Variants in MAP2K5 observed in about 807,000 individuals in gnomAD.
MAP2K5 encodes the protein dual specificity mitogen-activated protein kinase kinase 5.
MAP2K5 carries 49 observed loss-of-function variants against 83.1 expected under a neutral mutation model. The observed-to-expected ratio is 0.59, with a 90% confidence interval of 0.47 to 0.75. The LOEUF (loss-of-function observed/expected upper bound fraction) is 0.75, where lower values mean the gene tolerates loss of function less well. Among genes scored for constraint, MAP2K5 ranks in the 30% least tolerant of loss-of-function variants. MAP2K5 has a pLI of 0.00. For missense variants in MAP2K5, 457 were observed against 557.5 expected, an observed-to-expected ratio of 0.82 and a Z score of 1.82; for synonymous variants, 202 against 191.8, an observed-to-expected ratio of 1.05 and a Z score of -0.44.
At chr15:67,798,518 G>A (rs2090645194) in intron 21 of MAP2K5, among the ~76,000 whole-genome samples, 1 of 152,188 alleles carries the variant, frequency 6.6e-6, no homozygotes, top group South Asian at 2.1e-4. Flanking sequence ...TGCTCTGTAA[G>A]TACAGGCCCT....
Position 67,638,300 on chromosome 15 carries a change from C to A in MAP2K5, c.585+7373C>A, listed in dbSNP as rs1414245555. Among the ~76,000 whole-genome samples, 2 of 152,152 alleles carry A rather than the reference C, an allele frequency of 1.3e-5. No individual in the cohort carries two copies. Among genetic ancestry groups the A allele is most frequent in the Admixed American group, 1.3e-4 (2 of 15,276 alleles). ...ATGTGTTCTCATAAGTTAGCTCCCA[C>A]TTATAAGTGAGAACATGTGGTATTC... is the stretch of plus-strand genomic sequence containing the variant. On this transcript the variant is annotated intron_variant, in intron 9 of 21. Coordinates refer to ENST00000178640, the MANE Select transcript of MAP2K5 (RefSeq NM_145160.3). This position sits in a 1 kb window ranked among gnomAD's most constrained non-coding sequence, Gnocchi z 4.5.
In MAP2K5 at chr15:67,720,746, A is replaced by G. The variant is rs908779486; in HGVS notation, c.1045-7170A>G. Reference sequence around the variant, plus strand: ...TAACTTCCAGTAATTAGTGTATTTTATGGGCCTTTGCTTCAGTGGCTCGAA... The same window carrying G: ...TAACTTCCAGTAATTAGTGTATTTTGTGGGCCTTTGCTTCAGTGGCTCGAA... On this transcript the variant is annotated intron_variant, in intron 16 of 21. Transcript: ENST00000178640. The surrounding 1 kb of genome is among the most constrained non-coding windows in gnomAD (Gnocchi z 5.7). 3.9e-5 allele frequency among the ~76,000 whole-genome samples: 6 copies of G among 152,180 alleles called. No homozygotes were observed. Among genetic ancestry groups the G allele is most frequent in the African/African-American group, 1.4e-4 (6 of 41,444 alleles).
chr15:67,594,139 A>G (rs965838426), intron 7 of MAP2K5, among the ~76,000 whole-genome samples: 2 of 152,090 alleles, frequency 1.3e-5, no homozygotes, highest in Admixed American at 6.5e-5. Context: ...TAAATATCCT[A>G]TATACAGCTA....
At chr15:67,711,765 A>G (rs889860534) in intron 16 of MAP2K5, among the ~76,000 whole-genome samples, 10 of 152,268 alleles carry the variant, frequency 6.6e-5, no homozygotes, top group Admixed American at 1.3e-4. Flanking sequence ...GACAACAGTA[A>G]ACAACTGAGC....
Position 67,543,424 on chromosome 15 carries a change from A to T in MAP2K5, c.89A>T (p.Asp30Val). The change falls in exon 1 of 22, where the codon GAC becomes GTC. Residue 30 changes from aspartate to valine, a missense_variant. By Grantham distance (152) the Asp-to-Val change is radical. Transcript: ENST00000178640. The surrounding 1 kb of genome is among the most constrained non-coding windows in gnomAD (Gnocchi z 4.3). Reference protein sequence around the residue: ...RIKIPNSGAVDWTVHSGPQLL... With the variant: ...RIKIPNSGAVVWTVHSGPQLL... The stretch of plus-strand genomic sequence containing the variant: ...AAGATCCCAAATAGTGGCGCGGTGG[A>T]CTGGACAGTGCACTCCGGGCCGCAG... 6.2e-7 allele frequency: 1 copy of T among 1,614,062 alleles called. No individual in the cohort carries two copies. The highest frequency in any genetic ancestry group is 8.5e-7 in the Non-Finnish European group (1 of 1,180,004).
At position 67,585,833 on chromosome 15, in the gene MAP2K5, G is replaced by T; in HGVS notation, c.323-57G>T. 2.7e-6 allele frequency: 4 copies of T among 1,472,974 alleles called. No homozygotes were observed. In the South Asian group the frequency reaches 4.6e-5, roughly 17 times the overall value. The allele number at this position is 1,472,974 out of a possible 1,614,324, so 91.2% of individuals were successfully genotyped here. A position where few individuals can be genotyped will look rare whatever the true frequency, so the allele number is the denominator to read the frequency against. On this transcript the variant is annotated intron_variant, in intron 4 of 21. Coordinates refer to ENST00000178640, the MANE Select transcript of MAP2K5 (RefSeq NM_145160.3). ...CATTTCTTTTTAAACGATTCATTTT[G>T]AGCAAATTTGTAAATGGCCCTGATG...
chr15:67,770,434 C>T lies in MAP2K5; in HGVS notation c.1196+771C>T, dbSNP rs1322731793. Among the ~76,000 whole-genome samples the T allele has an allele frequency of 6.6e-6, 1 of 152,200 alleles. No homozygotes were observed. Among genetic ancestry groups the T allele is most frequent in the Non-Finnish European group, 1.5e-5 (1 of 68,046 alleles). On this transcript the variant is annotated intron_variant, in intron 20 of 21. Coordinates refer to ENST00000178640, the MANE Select transcript of MAP2K5 (RefSeq NM_145160.3). The surrounding 1 kb of genome is among the most constrained non-coding windows in gnomAD (Gnocchi z 5.0). ...CCAGGTATTCCTCTGCCCTCTCCCTCACTCCAGCACAGAGAATTACCTAGG... is the reference window on the plus strand; with the variant it reads ...CCAGGTATTCCTCTGCCCTCTCCCTTACTCCAGCACAGAGAATTACCTAGG...
At chr15:67,728,010 A>G in intron 17 of MAP2K5, 65 bp downstream of exon 17, 2 of 1,324,088 alleles carry the variant, frequency 1.5e-6, no homozygotes, top group Non-Finnish European at 2.2e-6. Context: ...AGGTGCAGGG[A>G]GCAATTGTGA....
chr15:67,675,105 C>A (rs887567200), intron 13 of MAP2K5, among the ~76,000 whole-genome samples: 1 of 152,104 alleles, frequency 6.6e-6, no homozygotes, highest in African/African-American at 2.4e-5. Flanking sequence ...GGCATTTATC[C>A]CAGAGAAATG....
rs2086606817 is a variant in MAP2K5 at position 67,636,483 on chromosome 15, G to T, written c.585+5556G>T. ...CTTATCTATTTATTCCATCATATGT[G>T]TCATATCTGGATCAGTTTTGACTGA... On this transcript the variant is annotated intron_variant, in intron 9 of 21. Transcript: ENST00000178640. The surrounding 1 kb of genome is among the most constrained non-coding windows in gnomAD (Gnocchi z 4.7). 6.7e-6 allele frequency among the ~76,000 whole-genome samples: 1 copy of T among 150,334 alleles called. No homozygotes were observed. Among genetic ancestry groups the T allele is most frequent in the Non-Finnish European group, 1.5e-5 (1 of 67,720 alleles).
In MAP2K5 at chr15:67,664,637, T is replaced by C. The variant is rs2087327914; in HGVS notation, c.839T>C (p.Leu280Ser). ...GLTYLWSLKI[L>S]HRDVKPSNML... ...ACTTATTTGTGGAGTTTAAAGATTTTACATAGAGGTATGTGCTGGGCTTAT... is the reference window on the plus strand; with the variant it reads ...ACTTATTTGTGGAGTTTAAAGATTTCACATAGAGGTATGTGCTGGGCTTAT... The change falls in exon 13 of 22, where the codon TTA becomes TCA. Residue 280 changes from leucine (L) to serine (S), a missense_variant. Leu to Ser is a moderately radical substitution (Grantham distance 145). Transcript: ENST00000178640. 1 of 1,602,884 alleles carries C rather than the reference T, an allele frequency of 6.2e-7. No homozygotes were observed. Among genetic ancestry groups the C allele is most frequent in the South Asian group, 1.1e-5 (1 of 90,822 alleles).
intron 4 of MAP2K5, among the ~76,000 whole-genome samples, chr15:67,583,513 G>T (rs150731145): frequency 6.6e-6 from 1 of 151,930 alleles, no homozygotes; most frequent in Admixed American, 6.6e-5. Context: ...TCTAGTTTTT[G>T]GTAGTCTTTT....
At position 67,613,891 on chromosome 15, in the gene MAP2K5, C is replaced by T. The variant is rs563129398; in HGVS notation, c.545+13142C>T. On this transcript the variant is annotated intron_variant, in intron 8 of 21. Transcript: ENST00000178640. ...AGAGGTGCATTTACTCTTTGACCCACTAGGGTACTATTTAGTGTTCTAGAA... is the reference window on the plus strand; with the variant it reads ...AGAGGTGCATTTACTCTTTGACCCATTAGGGTACTATTTAGTGTTCTAGAA... Among the ~76,000 whole-genome samples the T allele has an allele frequency of 2.6e-5, 4 of 151,946 alleles. No homozygotes were observed. In the South Asian group the frequency reaches 8.3e-4, roughly 32 times the overall value.
At chr15:67,647,291 T>C (rs182555448) in intron 11 of MAP2K5, among the ~76,000 whole-genome samples, 53 of 152,336 alleles carry the variant, frequency 3.5e-4, no homozygotes, top group African/African-American at 1.3e-3. Flanking sequence ...AAATTAGTTA[T>C]AGTAGAATGT....
In MAP2K5 at chr15:67,769,840, A is replaced by G; in HGVS notation, c.1196+177A>G. On this transcript the variant is annotated intron_variant, in intron 20 of 21. Transcript: ENST00000178640. The surrounding 1 kb of genome is among the most constrained non-coding windows in gnomAD (Gnocchi z 5.2). The stretch of plus-strand genomic sequence containing the variant: ...AAATTGTTTAAATTATGTAAACGTT[A>G]TTTACACAAAGGGTCATAAGCATAC... 1.7e-6 allele frequency: 1 copy of G among 584,654 alleles called. No individual in the cohort carries two copies. Among genetic ancestry groups the G allele is most frequent in the Non-Finnish European group, 3.0e-6 (1 of 330,554 alleles). 36.2% of individuals were successfully genotyped at this position (584,654 alleles called of 1,614,324 possible).
intron 13 of MAP2K5, among the ~76,000 whole-genome samples, chr15:67,675,703 C>T (rs1408408895): frequency 6.6e-6 from 1 of 151,830 alleles, no homozygotes; most frequent in Admixed American, 6.6e-5. Context: ...ATGTAAACAA[C>T]AAAAAAAGAA....
At chr15:67,568,291 C>T (rs909240179) in intron 3 of MAP2K5, among the ~76,000 whole-genome samples, 8 of 152,094 alleles carry the variant, frequency 5.3e-5, no homozygotes, top group Non-Finnish European at 8.8e-5. Context: ...CCCTGTCAGA[C>T]GTTGAGTACT....
intron 8 of MAP2K5, among the ~76,000 whole-genome samples, chr15:67,623,598 CT>C (rs369601076): frequency 1.6e-4 from 23 of 142,134 alleles, no homozygotes; most frequent in Admixed American, 2.8e-4. Context: ...TACTATCTTC[CT>C]TTTTTTTTTT....
chr15:67,794,304 A>C lies in MAP2K5; in HGVS notation c.1243-12342A>C, dbSNP rs1172336481. Among the ~76,000 whole-genome samples the C allele has an allele frequency of 6.6e-6, 1 of 152,228 alleles. No individual in the cohort carries two copies. The highest frequency in any genetic ancestry group is 2.4e-5 in the African/African-American group (1 of 41,460). Reference sequence around the variant, plus strand: ...CAGGTTCTTTGTGTTTTGTTTTAGAAAATATTGCTCAAGGCTAAGAGTGAG... The same window carrying C: ...CAGGTTCTTTGTGTTTTGTTTTAGACAATATTGCTCAAGGCTAAGAGTGAG... On this transcript the variant is annotated intron_variant, in intron 21 of 21. Coordinates refer to ENST00000178640, the MANE Select transcript of MAP2K5 (RefSeq NM_145160.3). This position sits in a 1 kb window ranked among gnomAD's most constrained non-coding sequence, Gnocchi z 4.6.
Sources: allele counts gnomAD v4.1 joint callset (sites outside exome capture counted in the v4.1 genomes callset), GRCh38; gene constraint gnomAD v4.1.1; non-coding constraint Gnocchi (gnomAD v3.1); transcripts MANE v1.5; gene names NCBI Gene and HGNC (gene_info 2026-07-23, HGNC 2026-07-21).